NBEA: variants seen among roughly 807,000 people sequenced by gnomAD.
NBEA encodes lysosomal-trafficking regulator 2.
A neutral mutation model predicts 343.4 loss-of-function variants in NBEA; 44 were observed. That is an observed-to-expected ratio of 0.13 (90% CI 0.10 to 0.16). NBEA has a LOEUF of 0.16. Ranked by LOEUF, NBEA falls within the 10% of genes least tolerant of loss-of-function variation. The pLI, the probability that NBEA is intolerant of heterozygous loss-of-function variation, is 1.00. For missense variants in NBEA, 2,555 were observed against 3,631.3 expected (o/e 0.70, Z 7.62); for synonymous variants, 1,175 against 1,238.7 (o/e 0.95, Z 1.08).
intron 17 of NBEA, among the ~76,000 whole-genome samples, chr13:35,139,853 A>G (rs765666841): frequency 6.9e-6 from 1 of 145,624 alleles, no homozygotes. Context: ...ACTCATCTCT[A>G]CTGTGGTGTA....
chr13:34,968,138 T>C (rs1466709128), intron 1 of NBEA, among the ~76,000 whole-genome samples: 1 of 152,022 alleles, frequency 6.6e-6, no homozygotes, highest in Non-Finnish European at 1.5e-5. Context: ...ATGGAAGAAA[T>C]GTATAAGGAA....
chr13:35,142,522 A>G (rs1002790788), intron 18 of NBEA, 145 bp downstream of exon 18: 2 of 458,916 alleles, frequency 4.4e-6, no homozygotes, highest in Non-Finnish European at 7.6e-6. Context: ...ATGAATATAT[A>G]CCTTATATTT....
At chr13:35,288,153 G>A (rs1000602851) in intron 34 of NBEA, among the ~76,000 whole-genome samples, 2 of 151,968 alleles carry the variant, frequency 1.3e-5, no homozygotes, top group Admixed American at 1.3e-4. Flanking sequence ...ACGTACACTT[G>A]TAAAATATTT....
At chr13:35,383,865 G>A (rs1257933132) in intron 38 of NBEA, among the ~76,000 whole-genome samples, 1 of 152,030 alleles carries the variant, frequency 6.6e-6, no homozygotes, top group Non-Finnish European at 1.5e-5. Context: ...ACAAATTTGT[G>A]TGTATGAGCA....
intron 41 of NBEA, among the ~76,000 whole-genome samples, chr13:35,498,712 A>T (rs1300527507): frequency 6.6e-6 from 1 of 152,130 alleles, no homozygotes; most frequent in Non-Finnish European, 1.5e-5. Flanking sequence ...TAAAAATAAT[A>T]AAATCATATT....
chr13:35,355,863 T>C (rs1026289460), intron 38 of NBEA, among the ~76,000 whole-genome samples: 6 of 152,130 alleles, frequency 3.9e-5, no homozygotes, highest in African/African-American at 1.2e-4. Flanking sequence ...TCTAAAATTT[T>C]ACTCTTCCTC....
intron 34 of NBEA, among the ~76,000 whole-genome samples, chr13:35,252,447 A>G (rs2032094939): frequency 6.6e-6 from 1 of 152,214 alleles, no homozygotes; most frequent in Non-Finnish European, 1.5e-5. Context: ...ATTCCAAAGT[A>G]TATATGCAGA....
chr13:35,642,865 G>T (rs531609706), intron 49 of NBEA, among the ~76,000 whole-genome samples: 1 of 151,766 alleles, frequency 6.6e-6, no homozygotes, highest in South Asian at 2.1e-4. Flanking sequence ...CTCTTTGAGG[G>T]CAGGAATCTT....
chr13:35,514,310 C>G (rs1345340767), intron 41 of NBEA, among the ~76,000 whole-genome samples: 1 of 152,138 alleles, frequency 6.6e-6, no homozygotes, highest in Non-Finnish European at 1.5e-5. Context: ...GCCTGTAGAC[C>G]TAGTGGGGCC....
rs764976104 is a variant in NBEA, at chr13:35,583,878, TA to T, written c.7036-19del. ...TCTAATATGACTGTATTAAACAAAA[TA>T]TTTTTTTTCTTTTAATAGCCAATTG... On this transcript the variant is annotated intron_variant, in intron 45 of 58. Transcript: ENST00000379939. 1.3e-5 allele frequency: 20 copies of T among 1,591,716 alleles called. No individual in the cohort carries two copies. Among genetic ancestry groups the T allele is most frequent in the African/African-American group, 1.2e-4 (9 of 73,854 alleles).
intron 11 of NBEA, among the ~76,000 whole-genome samples, chr13:35,098,731 A>G (rs1231232820): frequency 1.3e-5 from 2 of 152,102 alleles, no homozygotes; most frequent in Non-Finnish European, 2.9e-5. Flanking sequence ...ACCCATGGTC[A>G]ACTGCAGTTC....
At chr13:35,515,868 C>A (rs1276980301) in intron 41 of NBEA, among the ~76,000 whole-genome samples, 2 of 151,832 alleles carry the variant, frequency 1.3e-5, no homozygotes, top group Admixed American at 1.3e-4. Flanking sequence ...TTTCTTATAA[C>A]TTCTCATTGG....
rs2059316070 is a variant in NBEA at position 34,950,481 on chromosome 13, C to A, written c.294+7367C>A. 1.3e-5 allele frequency among the ~76,000 whole-genome samples: 2 copies of A among 151,272 alleles called. 1 individual carries two copies. ...TTCTATCCATTTGTGCCCCAATATTCTAAATTAAAAAATATTTAAATACTA... is the reference window on the plus strand; with the variant it reads ...TTCTATCCATTTGTGCCCCAATATTATAAATTAAAAAATATTTAAATACTA... On this transcript the variant is annotated intron_variant, in intron 1 of 58. Transcript: ENST00000379939.
At chr13:35,331,185 T>C (rs2038904612) in intron 36 of NBEA, among the ~76,000 whole-genome samples, 1 of 152,058 alleles carries the variant, frequency 6.6e-6, no homozygotes, top group Non-Finnish European at 1.5e-5. Context: ...TTTCAGGTAC[T>C]TTTTAGTGAC....
chr13:35,509,284 C>T (rs376557210), intron 41 of NBEA, among the ~76,000 whole-genome samples: 58 of 152,234 alleles, frequency 3.8e-4, no homozygotes, highest in African/African-American at 1.3e-3. Context: ...GTTCAGAAAG[C>T]TGTTACTTAT....
intron 38 of NBEA, among the ~76,000 whole-genome samples, chr13:35,422,483 C>A (rs1229562557): frequency 1.3e-5 from 2 of 152,016 alleles, no homozygotes; most frequent in African/African-American, 2.4e-5. Flanking sequence ...TGAACTCATC[C>A]TTTTTTATGG....
intron 46 of NBEA, among the ~76,000 whole-genome samples, chr13:35,588,604 C>T (rs1262034054): frequency 6.6e-6 from 1 of 152,080 alleles, no homozygotes; most frequent in Non-Finnish European, 1.5e-5. Context: ...CACTTGTCTA[C>T]AATATGAGAC....
At chr13:35,027,522 C>T (rs1373381261) in intron 1 of NBEA, among the ~76,000 whole-genome samples, 1 of 151,840 alleles carries the variant, frequency 6.6e-6, no homozygotes, top group Non-Finnish European at 1.5e-5. Context: ...GTTTTCTGCC[C>T]ATTTTCTGAT....
At chr13:34,979,861 G>A (rs568595511) in intron 1 of NBEA, among the ~76,000 whole-genome samples, 6 of 152,072 alleles carry the variant, frequency 3.9e-5, no homozygotes, top group South Asian at 4.1e-4. Flanking sequence ...TCTCATGTCT[G>A]TTATCTATAT....
Sources: gnomAD v4.1 joint callset for allele counts (sites outside exome capture counted in the v4.1 genomes callset) on GRCh38, gnomAD v4.1.1 for gene constraint, MANE v1.5 for transcripts, NCBI Gene and HGNC (gene_info 2026-07-23, HGNC 2026-07-21) for gene names.